ARSG: variants seen among roughly 807,000 people sequenced by gnomAD.
ARSG encodes ASG.
ARSG carries 37 observed loss-of-function variants against 50.5 expected under a neutral mutation model. That is an observed-to-expected ratio of 0.73 (90% CI 0.56 to 0.96). ARSG has a LOEUF of 0.96. ARSG is among the 50% of genes least tolerant of loss of function. ARSG has a pLI of 0.00. For missense variants in ARSG, 629 were observed against 675.3 expected, an observed-to-expected ratio of 0.93 and a Z score of 0.76; for synonymous variants, 225 against 254.6, an observed-to-expected ratio of 0.88 and a Z score of 1.11.
At position 68,343,731 on chromosome 17, in the gene ARSG, C is replaced by T. The variant is rs1415406942; in HGVS notation, c.346C>T (p.Leu116Phe). 2.5e-6 allele frequency: 4 copies of T among 1,614,020 alleles called. No individual in the cohort carries two copies. In the South Asian group the frequency reaches 3.3e-5, roughly 13 times the overall value. The change falls in exon 3 of 12, where the codon CTC becomes TTC. Residue 116 changes from leucine (L) to phenylalanine (F), a missense_variant. Coordinates refer to ENST00000621439, the MANE Select transcript of ARSG (RefSeq NM_001267727.2). ...AGTCACTTCTGTGGGAGGCCTTCCG[C>T]TCAACGAGACCACCTTGGCAGAGGT... The part of the protein sequence containing the change: ...FAVTSVGGLP[L>F]NETTLAEVLQ...
At chr17:68,339,328 TA>T (rs1438611885) in intron 2 of ARSG, among the ~76,000 whole-genome samples, 7 of 151,824 alleles carry the variant, frequency 4.6e-5, no homozygotes, top group African/African-American at 7.3e-5. Context: ...AAATTAAAAT[TA>T]AAAAAATAAA....
downstream of ARSG, chr17:68,427,161 C>G: frequency 1.9e-6 from 3 of 1,614,062 alleles, no homozygotes; most frequent in Non-Finnish European, 2.5e-6. Context: ...TGAAGATGCA[C>G]TTGGTCTGGC....
chr17:68,419,434 A>G (rs377092589), intron 11 of ARSG, among the ~76,000 whole-genome samples: 1 of 151,922 alleles, frequency 6.6e-6, no homozygotes, highest in Admixed American at 6.6e-5. Context: ...AAATTAGCCG[A>G]GCGTGGTGGC....
chr17:68,308,862 C>A (rs375906947), intron 2 of ARSG, among the ~76,000 whole-genome samples: 3 of 152,262 alleles, frequency 2.0e-5, no homozygotes, highest in South Asian at 2.1e-4. Context: ...CAGTGGATCC[C>A]GCACCGGCGC....
intron 2 of ARSG, among the ~76,000 whole-genome samples, chr17:68,334,418 C>A (rs1262557310): frequency 6.6e-6 from 1 of 152,110 alleles, no homozygotes; most frequent in Non-Finnish European, 1.5e-5. Flanking sequence ...CCCATTTATT[C>A]TTTGCTGTGC....
intron 2 of ARSG, among the ~76,000 whole-genome samples, chr17:68,321,473 C>T (rs376841504): frequency 3.3e-5 from 5 of 152,238 alleles, no homozygotes; most frequent in South Asian, 2.1e-4. Flanking sequence ...ACACAAAGGC[C>T]GCAGCAAAAG....
intron 2 of ARSG, among the ~76,000 whole-genome samples, chr17:68,338,602 A>C (rs775168159): frequency 7.9e-5 from 12 of 152,136 alleles, no homozygotes. Flanking sequence ...GCCTGGATAC[A>C]AATTGTGGCT....
intron 2 of ARSG, among the ~76,000 whole-genome samples, chr17:68,331,524 G>A (rs1045441229): frequency 4.6e-5 from 7 of 152,042 alleles, no homozygotes; most frequent in East Asian, 3.9e-4. Flanking sequence ...GATTACAGGC[G>A]TGAGCCACTG....
intron 11 of ARSG, among the ~76,000 whole-genome samples, chr17:68,412,268 C>A (rs1196275852): frequency 2.0e-3 from 272 of 136,172 alleles, no homozygotes; most frequent in Non-Finnish European, 3.0e-3. Flanking sequence ...CCGGTTGTTC[C>A]TTTCCATGTT....
At chr17:68,385,737 C>G (rs2080692264) in intron 9 of ARSG, among the ~76,000 whole-genome samples, 1 of 152,142 alleles carries the variant, frequency 6.6e-6, no homozygotes. Flanking sequence ...GCAGCATCTC[C>G]CTCTCAGCCT....
At chr17:68,433,476 G>A in the ARSG span, 2 of 1,614,004 alleles carry the variant, frequency 1.2e-6, no homozygotes, top group Non-Finnish European at 1.7e-6. Flanking sequence ...GCCTGTTGGT[G>A]ACCTGTTCCA....
In ARSG at chr17:68,420,616, C is replaced by T; in HGVS notation, c.*153C>T. The T allele has an allele frequency of 2.2e-6, 2 of 892,348 alleles. No homozygotes were observed. The highest frequency in any genetic ancestry group is 2.5e-5 in the East Asian group (1 of 39,606). The allele number at this position is 892,348 out of a possible 1,614,324, so 55.3% of individuals were successfully genotyped here. On this transcript the variant is annotated 3_prime_UTR_variant, in exon 12 of 12. Coordinates refer to ENST00000621439, the MANE Select transcript of ARSG (RefSeq NM_001267727.2). ...CTTGCATATCCCTTCTGTATCCTGT[C>T]CCTCCTCCACGCCGACCCGAGAGCA...
chr17:68,429,891 G>A, the ARSG span: 1 of 1,545,152 alleles, frequency 6.5e-7, no homozygotes, highest in East Asian at 2.3e-5. Flanking sequence ...GCCCAGCCTG[G>A]GGCAAGTTTT....
intron 10 of ARSG, among the ~76,000 whole-genome samples, chr17:68,397,148 G>A (rs2081283351): frequency 6.6e-6 from 1 of 152,140 alleles, no homozygotes; most frequent in Non-Finnish European, 1.5e-5. Context: ...GTTTTGCGCA[G>A]GCTCGTAGAG....
At chr17:68,440,194 A>C in the ARSG span, among the ~76,000 whole-genome samples, 2 of 152,182 alleles carry the variant, frequency 1.3e-5, no homozygotes, top group African/African-American at 4.8e-5. Context: ...TTAGACAAGG[A>C]ATCCTGCCTT....
chr17:68,259,843 T>G (rs1448352438), intron 1 of ARSG, among the ~76,000 whole-genome samples: 1 of 152,152 alleles, frequency 6.6e-6, no homozygotes. Flanking sequence ...AGTACCCAAC[T>G]CTAGTGTACC....
intron 2 of ARSG, among the ~76,000 whole-genome samples, chr17:68,313,496 A>C (rs2145713243): frequency 6.6e-6 from 1 of 152,058 alleles, no homozygotes; most frequent in Middle Eastern, 3.4e-3. Flanking sequence ...CCCCTCCTCT[A>C]ATAAAAATAC....
At position 68,342,670 on chromosome 17, in the gene ARSG, C is replaced by G. The variant is rs552074126; in HGVS notation, c.219-934C>G. Among the ~76,000 whole-genome samples, 4 of 152,252 alleles carry G rather than the reference C, an allele frequency of 2.6e-5. No homozygotes were observed. In the South Asian group the frequency reaches 8.3e-4, roughly 32 times the overall value. On this transcript the variant is annotated intron_variant, in intron 2 of 11. Coordinates refer to ENST00000621439, the MANE Select transcript of ARSG (RefSeq NM_001267727.2). Reference sequence around the variant, plus strand: ...CCACCGCACCTGGTCCTAACACATACATTTTCTTTATAAGGCACATCAAAG... The same window carrying G: ...CCACCGCACCTGGTCCTAACACATAGATTTTCTTTATAAGGCACATCAAAG...
chr17:68,388,922 CAAAAA>C (rs35105754), intron 9 of ARSG, among the ~76,000 whole-genome samples: 3,644 of 108,040 alleles, frequency 0.034, 192 homozygotes, highest in African/African-American at 0.12. Context: ...GACTCTGTCT[CAAAAA>C]AAAAAAAAAA....
Sources: allele counts gnomAD v4.1 joint callset (sites outside exome capture counted in the v4.1 genomes callset), GRCh38; gene constraint gnomAD v4.1.1; transcripts MANE v1.5; gene names NCBI Gene and HGNC (gene_info 2026-07-23, HGNC 2026-07-21).